Variants in MED12L observed in about 807,000 individuals in gnomAD.
The protein encoded by MED12L is mediator complex subunit 12L.
MED12L carries 60 observed loss-of-function variants against 281.3 expected under a neutral mutation model. The observed-to-expected ratio is 0.21, with a 90% CI of 0.17 to 0.26. The LOEUF (loss-of-function observed/expected upper bound fraction) is 0.26. Ranked by LOEUF, MED12L falls within the 10% of genes least tolerant of loss-of-function variation. The probability of loss-of-function intolerance (pLI) is 1.00; values close to 1 mark genes in which losing one functional copy is unlikely to be tolerated. For missense variants in MED12L, 2,146 were observed against 2,680.9 expected, an observed-to-expected ratio of 0.80 and a Z score of 4.41; for synonymous variants, 974 against 987.2, an observed-to-expected ratio of 0.99 and a Z score of 0.25.
intron 16 of MED12L, among the ~76,000 whole-genome samples, chr3:151,240,761 T>C (rs979597159): frequency 1.3e-5 from 2 of 152,268 alleles, no homozygotes; most frequent in Non-Finnish European, 2.9e-5. Flanking sequence ...CTCTTGCATC[T>C]AACTTGTATT....
chr3:151,345,587 G>A (rs945729981), intron 16 of MED12L, among the ~76,000 whole-genome samples: 33 of 144,288 alleles, frequency 2.3e-4, no homozygotes, highest in African/African-American at 7.2e-4. Context: ...GCACCATCTC[G>A]GCTCACTGCA....
intron 12 of MED12L, among the ~76,000 whole-genome samples, chr3:151,186,626 C>T (rs2149078675): frequency 1.3e-5 from 2 of 152,292 alleles, no homozygotes; most frequent in South Asian, 4.1e-4. Flanking sequence ...TCCTGGCATT[C>T]CCATCTCAAG....
intron 37 of MED12L, 58 bp downstream of exon 37, chr3:151,388,230 C>A: frequency 6.6e-7 from 1 of 1,522,956 alleles, no homozygotes; most frequent in Non-Finnish European, 8.8e-7. Context: ...GAGATTTACT[C>A]GTGCCCAAAT....
At chr3:151,117,170 G>A (rs1272176349) in intron 3 of MED12L, among the ~76,000 whole-genome samples, 2 of 151,856 alleles carry the variant, frequency 1.3e-5, no homozygotes, top group Non-Finnish European at 2.9e-5. Context: ...TTGTCACTTT[G>A]GATTCTTTTT....
At chr3:151,385,306 G>A in intron 36 of MED12L, 115 bp downstream of exon 36, 5 of 608,090 alleles carry the variant, frequency 8.2e-6, no homozygotes, top group Middle Eastern at 4.5e-4. Context: ...ATGTTTTTAA[G>A]GCATATGCTT....
chr3:151,200,163 C>G (rs1056157535), intron 16 of MED12L, among the ~76,000 whole-genome samples: 4 of 144,816 alleles, frequency 2.8e-5, no homozygotes, highest in African/African-American at 1.0e-4. Context: ...ATAAGACATA[C>G]CCTTAGAACT....
At chr3:151,332,036 G>A (rs1750412267) in intron 16 of MED12L, among the ~76,000 whole-genome samples, 1 of 152,164 alleles carries the variant, frequency 6.6e-6, no homozygotes, top group South Asian at 2.1e-4. Flanking sequence ...GTGTGAGAAG[G>A]AAACAATCAG....
chr3:151,212,459 T>TA (rs1317088473), intron 16 of MED12L: 1 of 152,216 alleles, frequency 6.6e-6, no homozygotes, highest in Non-Finnish European at 1.5e-5. Context: ...TAGATTAATA[T>TA]ATGTTCTACG....
At chr3:151,365,307 G>A (rs1020225469) in intron 22 of MED12L, 101 bp downstream of exon 22, 2 of 917,892 alleles carry the variant, frequency 2.2e-6, no homozygotes, top group Non-Finnish European at 1.7e-6. Context: ...CTCACATTTG[G>A]CTATCATTTG....
At chr3:151,234,964 A>G (rs193106317) in intron 16 of MED12L, among the ~76,000 whole-genome samples, 92 of 152,282 alleles carry the variant, frequency 6.0e-4, no homozygotes, top group African/African-American at 2.2e-3. Flanking sequence ...TATCTCTTCT[A>G]TTTCTAACCA....
At chr3:151,356,624 T>A (rs1049546121) in intron 19 of MED12L, among the ~76,000 whole-genome samples, 1 of 150,136 alleles carries the variant, frequency 6.7e-6, no homozygotes, top group Non-Finnish European at 1.5e-5. Context: ...GTTTCTTCTG[T>A]TTTTTTTTGT....
rs140376215 is a variant in MED12L at position 151,377,929 on chromosome 3, G to A, written c.4317-83G>A. 2.2e-6 allele frequency: 3 copies of A among 1,367,166 alleles called. No homozygotes were observed. In the East Asian group the frequency reaches 7.4e-5, roughly 34 times the overall value. The allele number at this position is 1,367,166 out of a possible 1,614,324, so 84.7% of individuals were successfully genotyped here. A position where few individuals can be genotyped will look rare whatever the true frequency, so the allele number is the denominator to read the frequency against. On this transcript the variant is annotated intron_variant, in intron 30 of 44. Coordinates refer to ENST00000687756, the MANE Select transcript of MED12L (RefSeq NM_001393769.1). ...CAGTCTGTGTGTCTCATACATCAAA[G>A]TTTCGCTTTGGAGTTTCTGTTATAA...
intron 2 of MED12L, among the ~76,000 whole-genome samples, chr3:151,087,914 A>G (rs576290124): frequency 4.6e-4 from 70 of 151,306 alleles, no homozygotes; most frequent in African/African-American, 1.6e-3. Flanking sequence ...ATCACCTGCT[A>G]CCCAGCAGTG....
chr3:151,161,134 A>G (rs112019257), intron 8 of MED12L, among the ~76,000 whole-genome samples: 1,771 of 152,274 alleles, frequency 0.012, 14 homozygotes, highest in Non-Finnish European at 0.017. Context: ...TTGTCGTTAG[A>G]TTGATTGGCC....
intron 16 of MED12L, among the ~76,000 whole-genome samples, chr3:151,244,452 G>A (rs1282900283): frequency 1.4e-5 from 2 of 143,012 alleles, no homozygotes; most frequent in South Asian, 4.9e-4. Flanking sequence ...TAGAACTCAG[G>A]ATTAAGAATC....
intron 16 of MED12L, among the ~76,000 whole-genome samples, chr3:151,315,142 G>A (rs1383404389): frequency 2.6e-5 from 4 of 152,124 alleles, no homozygotes; most frequent in Admixed American, 6.5e-5. Context: ...TATTTCAGGA[G>A]CATACAAGGA....
intron 16 of MED12L, among the ~76,000 whole-genome samples, chr3:151,215,970 G>T (rs1728139420): frequency 6.6e-6 from 1 of 152,062 alleles, no homozygotes; most frequent in Admixed American, 6.6e-5. Context: ...TATCCTCAAG[G>T]CCTCAGCTTA....
chr3:151,391,947 C>A (rs914926807), intron 38 of MED12L, among the ~76,000 whole-genome samples: 2 of 152,144 alleles, frequency 1.3e-5, no homozygotes, highest in African/African-American at 4.8e-5. Flanking sequence ...TAAACTTCCT[C>A]TTTTTAATGC....
At position 151,413,249 on chromosome 3, in the gene MED12L, T is replaced by C; in HGVS notation, c.6251T>C (p.Met2084Thr). 3 of 1,614,136 alleles carry C rather than the reference T, an allele frequency of 1.9e-6. No homozygotes were observed. The highest frequency in any genetic ancestry group is 2.5e-6 in the Non-Finnish European group (3 of 1,180,020). ...LPSVPLPQDP[M>T]RPRQPQVRQQ... ...TCCGTGCCCCTGCCTCAGGATCCCATGAGACCCAGACAGCCGCAAGTTCGA... is the reference window on the plus strand; with the variant it reads ...TCCGTGCCCCTGCCTCAGGATCCCACGAGACCCAGACAGCCGCAAGTTCGA... Residue 2084 changes from methionine to threonine, a missense_variant, in exon 42 of 45, where the codon ATG becomes ACG. Transcript: ENST00000687756.
Sources: allele counts gnomAD v4.1 joint callset (sites outside exome capture counted in the v4.1 genomes callset), GRCh38; gene constraint gnomAD v4.1.1; transcripts MANE v1.5; gene names NCBI Gene and HGNC (gene_info 2026-07-23, HGNC 2026-07-21).